COL27A1: variants seen among roughly 807,000 people sequenced by gnomAD.
The protein encoded by COL27A1 is collagen type XXVII alpha 1 chain, also known as collagen alpha-1(XXVII) chain.
Under a neutral mutation model 251.3 loss-of-function variants are expected in COL27A1, and 106 were observed. That is an observed-to-expected ratio of 0.42 (90% CI 0.36 to 0.50). COL27A1 has a LOEUF of 0.50. Ranked by LOEUF, COL27A1 falls within the 20% of genes least tolerant of loss-of-function variation. COL27A1 has a pLI of 0.00. For synonymous variants in COL27A1, 1,000 were observed against 986.3 expected, an observed-to-expected ratio of 1.01 and a Z score of -0.26; for missense variants, 2,325 against 2,522.8, an observed-to-expected ratio of 0.92 and a Z score of 1.68.
chr9:114,281,880 G>T (rs1835932412), intron 37 of COL27A1, among the ~76,000 whole-genome samples: 1 of 152,166 alleles, frequency 6.6e-6, no homozygotes, highest in African/African-American at 2.4e-5. Context: ...TCGTTGGGAG[G>T]GTGGAACAGC....
intron 42 of COL27A1, 53 bp downstream of exon 42, chr9:114,288,564 C>G: frequency 2.6e-6 from 4 of 1,563,950 alleles, no homozygotes; most frequent in Non-Finnish European, 3.5e-6. Context: ...GAATCTGAGC[C>G]TCCCGCTGCA....
chr9:114,303,227 C>CT (rs1000474092), intron 56 of COL27A1, among the ~76,000 whole-genome samples: 408 of 141,374 alleles, frequency 2.9e-3, no homozygotes, highest in Non-Finnish European at 3.4e-3. Context: ...CTTTGCTTTT[C>CT]TTTTTTTTTC....
chr9:114,276,735 T>A (rs539148204), intron 37 of COL27A1, among the ~76,000 whole-genome samples: 1 of 152,308 alleles, frequency 6.6e-6, no homozygotes, highest in African/African-American at 2.4e-5. Context: ...ACTTAGTCAG[T>A]CCACAGACCC....
At chr9:114,179,511 A>G (rs1338693703) in intron 4 of COL27A1, among the ~76,000 whole-genome samples, 1 of 152,126 alleles carries the variant, frequency 6.6e-6, no homozygotes. Flanking sequence ...TCCTCCATTC[A>G]TGTCTAAGAG....
intron 10 of COL27A1, among the ~76,000 whole-genome samples, chr9:114,207,140 G>C (rs1391346978): frequency 6.6e-6 from 1 of 152,230 alleles, no homozygotes; most frequent in Non-Finnish European, 1.5e-5. Flanking sequence ...GAATGCTCAG[G>C]AAGGGGGTCA....
chr9:114,219,029 C>G (rs1382543503), intron 12 of COL27A1, among the ~76,000 whole-genome samples: 3 of 152,128 alleles, frequency 2.0e-5, no homozygotes, highest in Non-Finnish European at 4.4e-5. Flanking sequence ...CAGGTTTCCC[C>G]CAACTCCAAG....
At position 114,310,942 on chromosome 9, in the gene COL27A1, C is replaced by A. The variant is rs76267887; in HGVS notation, c.*247C>A. 5.0e-3 allele frequency: 2,149 copies of A among 428,112 alleles called. 36 individuals carry two copies. The highest frequency in any genetic ancestry group is 0.038 in the African/African-American group (1,922 of 51,030). The allele number at this position is 428,112 out of a possible 1,614,324, so 26.5% of individuals were successfully genotyped here. On this transcript the variant is annotated 3_prime_UTR_variant, in exon 61 of 61. Coordinates refer to ENST00000356083, the MANE Select transcript of COL27A1 (RefSeq NM_032888.4). ...AAGAGCCAGCCAGAGTAAGCTGGAC[C>A]TGCAACCTGCCTGAGCCCCGTGGCC...
chr9:114,167,258 T>C (rs1564416033), intron 2 of COL27A1, among the ~76,000 whole-genome samples: 1 of 152,216 alleles, frequency 6.6e-6, no homozygotes, highest in South Asian at 2.1e-4. Flanking sequence ...TATTAGTTAT[T>C]ATTTGAAAGG....
At chr9:114,197,353 G>A (rs909455110) in intron 7 of COL27A1, among the ~76,000 whole-genome samples, 5 of 152,142 alleles carry the variant, frequency 3.3e-5, no homozygotes, top group Non-Finnish European at 7.4e-5. Context: ...GCCAGAGCAG[G>A]CCATACCTTC....
rs1291079691 is a variant in COL27A1 at position 114,168,048 on chromosome 9, G to C, written c.493G>C (p.Gly165Arg). The C allele has an allele frequency of 6.2e-7, 1 of 1,607,356 alleles. No homozygotes were observed. The highest frequency in any genetic ancestry group is 1.7e-5 in the Admixed American group (1 of 60,000). Residue 165 changes from glycine (G) to arginine (R), a missense_variant, in exon 3 of 61, where the codon GGC becomes CGC. Physicochemically the swap from Gly to Arg is moderately radical, Grantham distance 125 (BLOSUM62 -2). Coordinates refer to ENST00000356083, the MANE Select transcript of COL27A1 (RefSeq NM_032888.4). ...GCACCACCTGGCCCTCGAGCTCCGAGGCCGCACAGTCACTCTGGTGACTGC... is the reference window on the plus strand; with the variant it reads ...GCACCACCTGGCCCTCGAGCTCCGACGCCGCACAGTCACTCTGGTGACTGC... Reference protein sequence around the residue: ...RWHHLALELRGRTVTLVTACG... With the variant: ...RWHHLALELRRRTVTLVTACG...
chr9:114,275,896 C>G lies in COL27A1; in HGVS notation c.3717+128C>G, dbSNP rs963935749. On this transcript the variant is annotated intron_variant, in intron 37 of 60. Transcript: ENST00000356083. ...AGGATCTTCTGCTGTGGTCCTTTCT[C>G]CACCTGGCAGTTTGCCAGAGAACCA... The G allele has an allele frequency of 2.3e-5, 14 of 618,346 alleles. No individual in the cohort carries two copies. In the African/African-American group the frequency reaches 2.6e-4, roughly 11 times the overall value. 38.3% of individuals were successfully genotyped at this position (618,346 alleles called of 1,614,324 possible). A position where few individuals can be genotyped will look rare whatever the true frequency, so the allele number is the denominator to read the frequency against.
Position 114,311,960 on chromosome 9 carries a change from T to C in COL27A1, c.*1265T>C, listed in dbSNP as rs1039283644. The stretch of plus-strand genomic sequence containing the variant: ...TGTCATTAAATTCTGTAGAAACCCA[T>C]TGTCATTAGCTCCAAGTGTAAATTT... On this transcript the variant is annotated 3_prime_UTR_variant, in exon 61 of 61. Transcript: ENST00000356083. The C allele has an allele frequency of 4.6e-5, 7 of 152,178 alleles. No individual in the cohort carries two copies. Among genetic ancestry groups the C allele is most frequent in the Non-Finnish European group, 7.3e-5 (5 of 68,028 alleles). 9.4% of individuals were successfully genotyped at this position (152,178 alleles called of 1,614,324 possible). A position where few individuals can be genotyped will look rare whatever the true frequency, so the allele number is the denominator to read the frequency against.
chr9:114,305,509 C>G (rs1157891851), intron 57 of COL27A1, among the ~76,000 whole-genome samples: 1 of 152,200 alleles, frequency 6.6e-6, no homozygotes, highest in Non-Finnish European at 1.5e-5. Flanking sequence ...TATCAAGCAC[C>G]TCCTACCCAC....
chr9:114,206,401 C>T, intron 10 of COL27A1, 105 bp downstream of exon 10: 1 of 1,177,372 alleles, frequency 8.5e-7, no homozygotes, highest in Non-Finnish European at 1.3e-6. Flanking sequence ...AGAGCCAAGG[C>T]CCTCCCACTT....
intron 14 of COL27A1, among the ~76,000 whole-genome samples, chr9:114,226,822 C>G (rs917682584): frequency 1.3e-5 from 2 of 152,252 alleles, no homozygotes; most frequent in African/African-American, 4.8e-5. Context: ...GAGGTGAGGT[C>G]CTCAGAGCAG....
intron 14 of COL27A1, among the ~76,000 whole-genome samples, chr9:114,225,728 T>C (rs933893197): frequency 1.3e-5 from 2 of 152,244 alleles, no homozygotes; most frequent in Non-Finnish European, 2.9e-5. Flanking sequence ...TTAGTGGAAA[T>C]TCAAATTTAT....
chr9:114,248,082 A>G (rs1833266933), intron 24 of COL27A1, among the ~76,000 whole-genome samples: 1 of 152,006 alleles, frequency 6.6e-6, no homozygotes, highest in African/African-American at 2.4e-5. Flanking sequence ...AACTTGTCCG[A>G]GATCTCACAG....
chr9:114,235,739 T>G (rs1832345541), intron 17 of COL27A1, 87 bp downstream of exon 17: 1 of 1,003,228 alleles, frequency 1.0e-6, no homozygotes, highest in Non-Finnish European at 1.6e-6. Flanking sequence ...GGGTCCATCA[T>G]GAGCAAGGAC....
intron 3 of COL27A1, among the ~76,000 whole-genome samples, chr9:114,169,671 G>T (rs1383834229): frequency 1.3e-5 from 2 of 152,236 alleles, no homozygotes; most frequent in Non-Finnish European, 2.9e-5. Context: ...TTCATGATCC[G>T]CTGGGACAGA....
Sources: allele counts gnomAD v4.1 joint callset (sites outside exome capture counted in the v4.1 genomes callset), GRCh38; gene constraint gnomAD v4.1.1; transcripts MANE v1.5; gene names NCBI Gene and HGNC (gene_info 2026-07-23, HGNC 2026-07-21).